LHFPL3: variants seen among roughly 807,000 people sequenced by gnomAD.
LHFPL3 encodes the protein LHFPL tetraspan subfamily member 3 protein.
LHFPL3 carries 5 observed loss-of-function variants against 19.3 expected under a neutral mutation model. That is an observed-to-expected ratio of 0.26 (90% CI 0.14 to 0.54). The LOEUF (loss-of-function observed/expected upper bound fraction) is 0.54, where lower values mean the gene tolerates loss of function less well. Ranked by LOEUF, LHFPL3 falls within the 20% of genes least tolerant of loss-of-function variation. LHFPL3 has a pLI of 0.94. For missense variants in LHFPL3, 249 were observed against 307.4 expected (o/e 0.81, Z 1.42); for synonymous variants, 133 against 126.2 (o/e 1.05, Z -0.36).
chr7:104,589,791 C>T (rs971724762), intron 1 of LHFPL3, among the ~76,000 whole-genome samples: 4 of 152,088 alleles, frequency 2.6e-5, no homozygotes, highest in South Asian at 2.1e-4. Flanking sequence ...AATTTCAGAG[C>T]CTGTTATTGG....
intron 1 of LHFPL3, among the ~76,000 whole-genome samples, chr7:104,608,411 C>A (rs978636705): frequency 2.0e-5 from 3 of 149,432 alleles, no homozygotes; most frequent in African/African-American, 7.4e-5. Context: ...AAACCAAACA[C>A]CGCATGTTCT....
intron 1 of LHFPL3, among the ~76,000 whole-genome samples, chr7:104,528,504 C>G (rs1333028623): frequency 6.6e-6 from 1 of 152,104 alleles, no homozygotes; most frequent in Non-Finnish European, 1.5e-5. Context: ...CTATGTGATG[C>G]ATACAGAATG....
intron 1 of LHFPL3, among the ~76,000 whole-genome samples, chr7:104,708,738 T>C (rs1793236740): frequency 6.6e-6 from 1 of 152,144 alleles, no homozygotes; most frequent in African/African-American, 2.4e-5. Context: ...TTAGATCTGG[T>C]TGAAAGAATA....
intron 2 of LHFPL3, among the ~76,000 whole-genome samples, chr7:104,864,634 C>A (rs1274395287): frequency 6.6e-6 from 1 of 152,220 alleles, no homozygotes; most frequent in Non-Finnish European, 1.5e-5. Flanking sequence ...CTCAAGGAGG[C>A]CTGCCTGCCT....
At position 104,378,322 on chromosome 7, in the gene LHFPL3, G is replaced by A. The variant is rs147578918; in HGVS notation, c.445+49098G>A. On this transcript the variant is annotated intron_variant, in intron 1 of 2. Transcript: ENST00000424859. ...AGAGAAATGAACTATGGTGTATGTAGCGTTAAGCTTTTTTGGCAGAGCACG... is the reference window on the plus strand; with the variant it reads ...AGAGAAATGAACTATGGTGTATGTAACGTTAAGCTTTTTTGGCAGAGCACG... 3.9e-5 allele frequency among the ~76,000 whole-genome samples: 6 copies of A among 152,294 alleles called. No individual in the cohort carries two copies. In the South Asian group the frequency reaches 8.3e-4, roughly 21 times the overall value.
At chr7:104,718,017 A>G (rs1230352752) in intron 1 of LHFPL3, among the ~76,000 whole-genome samples, 1 of 152,200 alleles carries the variant, frequency 6.6e-6, no homozygotes, top group Non-Finnish European at 1.5e-5. Context: ...TACCATAGAT[A>G]AATCTTGAGG....
intron 1 of LHFPL3, among the ~76,000 whole-genome samples, chr7:104,435,415 A>G (rs1792083555): frequency 6.6e-6 from 1 of 151,946 alleles, no homozygotes; most frequent in African/African-American, 2.4e-5. Flanking sequence ...AATTACAAAC[A>G]TGAGTCATCA....
At chr7:104,438,878 A>G (rs1250999978) in intron 1 of LHFPL3, among the ~76,000 whole-genome samples, 4 of 152,178 alleles carry the variant, frequency 2.6e-5, no homozygotes, top group Non-Finnish European at 5.9e-5. Context: ...CAGACAATAT[A>G]TACTACCAAC....
intron 1 of LHFPL3, among the ~76,000 whole-genome samples, chr7:104,427,123 G>A (rs181661213): frequency 2.2e-4 from 33 of 152,268 alleles, no homozygotes; most frequent in South Asian, 2.1e-4. Flanking sequence ...ACAGGAGATC[G>A]TCAAATCCAG....
At chr7:104,822,654 T>C (rs1790697687) in intron 2 of LHFPL3, among the ~76,000 whole-genome samples, 1 of 152,156 alleles carries the variant, frequency 6.6e-6, no homozygotes, top group Non-Finnish European at 1.5e-5. Context: ...TTTTTCTTAT[T>C]CACACAAAGG....
intron 2 of LHFPL3, among the ~76,000 whole-genome samples, chr7:104,872,337 A>T (rs1187198357): frequency 6.6e-6 from 1 of 150,754 alleles, no homozygotes; most frequent in African/African-American, 2.4e-5. Context: ...ACTATGTCTC[A>T]AACAAAAAAA....
At chr7:104,782,593 GCATTC>G (rs1789831809) in intron 2 of LHFPL3, among the ~76,000 whole-genome samples, 1 of 152,196 alleles carries the variant, frequency 6.6e-6, no homozygotes, top group Non-Finnish European at 1.5e-5. Context: ...CCATGTGTGT[GCATTC>G]CATTATCCAC....
intron 1 of LHFPL3, among the ~76,000 whole-genome samples, chr7:104,332,845 G>A (rs1267565339): frequency 6.6e-6 from 1 of 151,428 alleles, no homozygotes; most frequent in Non-Finnish European, 1.5e-5. Context: ...TACAGACCAT[G>A]TCTTATATAA....
intron 1 of LHFPL3, among the ~76,000 whole-genome samples, chr7:104,353,198 C>G (rs1324976271): frequency 6.6e-6 from 1 of 152,144 alleles, no homozygotes; most frequent in Non-Finnish European, 1.5e-5. Flanking sequence ...TATCATGAAC[C>G]AGACAATGGA....
intron 1 of LHFPL3, among the ~76,000 whole-genome samples, chr7:104,375,065 A>G (rs1295244009): frequency 6.6e-6 from 1 of 152,186 alleles, no homozygotes; most frequent in Non-Finnish European, 1.5e-5. Flanking sequence ...CAGGCCAGGC[A>G]CGGTGGCTTA....
At chr7:104,538,303 G>C (rs1049949184) in intron 1 of LHFPL3, among the ~76,000 whole-genome samples, 3 of 152,242 alleles carry the variant, frequency 2.0e-5, no homozygotes. Context: ...AAGTCCCGAG[G>C]TGCTAAAAAT....
intron 1 of LHFPL3, among the ~76,000 whole-genome samples, chr7:104,715,338 GT>G (rs1403909366): frequency 1.3e-5 from 2 of 152,080 alleles, no homozygotes; most frequent in African/African-American, 2.4e-5. Flanking sequence ...TACTTCCAAT[GT>G]TTTTAGTATG....
At chr7:104,619,474 A>G (rs1791405265) in intron 1 of LHFPL3, among the ~76,000 whole-genome samples, 1 of 152,068 alleles carries the variant, frequency 6.6e-6, no homozygotes, top group South Asian at 2.1e-4. Context: ...TTTCTTCCAT[A>G]TAATTCAATT....
At chr7:104,887,301 C>T (rs946656146) in intron 2 of LHFPL3, among the ~76,000 whole-genome samples, 5 of 152,130 alleles carry the variant, frequency 3.3e-5, no homozygotes, top group Admixed American at 1.3e-4. Flanking sequence ...GATGCTGACA[C>T]GGGATTTAAG....
Sources: allele counts gnomAD v4.1 joint callset (sites outside exome capture counted in the v4.1 genomes callset), GRCh38; gene constraint gnomAD v4.1.1; transcripts MANE v1.5; gene names NCBI Gene and HGNC (gene_info 2026-07-23, HGNC 2026-07-21).